FAM171A1: variants seen among roughly 807,000 people sequenced by gnomAD.
FAM171A1 encodes family with sequence similarity 171 member A1, also known as protein FAM171A1.
A neutral mutation model predicts 74.9 loss-of-function variants in FAM171A1; 23 were observed. That is an observed-to-expected ratio of 0.31 (90% CI 0.22 to 0.44). The LOEUF (loss-of-function observed/expected upper bound fraction) is 0.44. Ranked by LOEUF, FAM171A1 falls within the 20% of genes least tolerant of loss-of-function variation. FAM171A1 has a pLI of 1.00. For synonymous variants in FAM171A1, 527 were observed against 505.7 expected (o/e 1.04, Z -0.57); for missense variants, 1,162 against 1,159.2 (o/e 1.00, Z -0.03).
intron 1 of FAM171A1, among the ~76,000 whole-genome samples, chr10:15,330,562 C>T (rs551531118): frequency 1.3e-5 from 2 of 152,114 alleles, no homozygotes; most frequent in African/African-American, 4.8e-5. Flanking sequence ...TGTTGTGCAA[C>T]CAATTGAAAG....
intron 1 of FAM171A1, among the ~76,000 whole-genome samples, chr10:15,290,728 G>A (rs923861344): frequency 2.6e-5 from 4 of 152,152 alleles, no homozygotes; most frequent in Non-Finnish European, 5.9e-5. Flanking sequence ...TTGAGGAGGT[G>A]TCATTTTAGC....
chr10:15,299,844 G>T (rs1197019310), intron 1 of FAM171A1, among the ~76,000 whole-genome samples: 1 of 152,046 alleles, frequency 6.6e-6, no homozygotes, highest in African/African-American at 2.4e-5. Context: ...CGGGCGTGGT[G>T]GTGGGTGCCT....
chr10:15,284,151 C>T (rs766565015), intron 1 of FAM171A1, 46 bp from the exon 2 acceptor site: 6 of 1,554,110 alleles, frequency 3.9e-6, no homozygotes, highest in Non-Finnish European at 5.3e-6. Context: ...CAATGGGAAA[C>T]ATTCATAGCA....
intron 1 of FAM171A1, among the ~76,000 whole-genome samples, chr10:15,366,598 G>A (rs1475372840): frequency 3.9e-5 from 6 of 152,058 alleles, no homozygotes; most frequent in Non-Finnish European, 8.8e-5. Flanking sequence ...AGCATTACTG[G>A]TATGTATAAT....
At chr10:15,300,015 G>A (rs1210062030) in intron 1 of FAM171A1, among the ~76,000 whole-genome samples, 1 of 151,980 alleles carries the variant, frequency 6.6e-6, no homozygotes, top group Admixed American at 6.6e-5. Flanking sequence ...AGCTGAAGGG[G>A]CTTGCTGGAA....
chr10:15,309,663 A>C (rs1835337067), intron 1 of FAM171A1, among the ~76,000 whole-genome samples: 2 of 152,274 alleles, frequency 1.3e-5, no homozygotes, highest in South Asian at 4.1e-4. Context: ...ACTCAATAGC[A>C]TGTGAACTTG....
At chr10:15,329,993 T>G (rs932639251) in intron 1 of FAM171A1, among the ~76,000 whole-genome samples, 3 of 152,226 alleles carry the variant, frequency 2.0e-5, no homozygotes, top group African/African-American at 7.2e-5. Context: ...CTTTCTTGCA[T>G]AGTATGGCAC....
At chr10:15,285,826 A>G (rs528643381) in intron 1 of FAM171A1, among the ~76,000 whole-genome samples, 5 of 152,290 alleles carry the variant, frequency 3.3e-5, no homozygotes, top group South Asian at 2.1e-4. Flanking sequence ...GTGACCATCA[A>G]TGAGCCGGCT....
chr10:15,300,414 C>G (rs1378280658), intron 1 of FAM171A1, among the ~76,000 whole-genome samples: 2 of 152,206 alleles, frequency 1.3e-5, no homozygotes, highest in African/African-American at 4.8e-5. Flanking sequence ...AATATGGATA[C>G]CAACTTCTTG....
At chr10:15,235,099 C>T (rs1052809651) in intron 5 of FAM171A1, among the ~76,000 whole-genome samples, 2 of 152,072 alleles carry the variant, frequency 1.3e-5, no homozygotes, top group Admixed American at 1.3e-4. Context: ...TACCTGAGGA[C>T]AGGAGTTTGA....
chr10:15,243,917 A>AT (rs1834396476), intron 5 of FAM171A1, among the ~76,000 whole-genome samples: 1 of 152,030 alleles, frequency 6.6e-6, no homozygotes, highest in South Asian at 2.1e-4. Context: ...CACCCGGCTA[A>AT]TTTTTTGTAT....
chr10:15,226,788 C>T (rs938240202), intron 5 of FAM171A1, among the ~76,000 whole-genome samples: 1 of 152,054 alleles, frequency 6.6e-6, no homozygotes, highest in Non-Finnish European at 1.5e-5. Flanking sequence ...AATACTCCCC[C>T]CTACCCTCAT....
intron 1 of FAM171A1, among the ~76,000 whole-genome samples, chr10:15,367,562 G>A (rs1224631427): frequency 6.6e-6 from 1 of 152,184 alleles, no homozygotes; most frequent in African/African-American, 2.4e-5. Context: ...GTCACCGTAA[G>A]TTAGGCTTGT....
At chr10:15,251,872 A>C (rs1383817419) in intron 4 of FAM171A1, among the ~76,000 whole-genome samples, 4 of 152,176 alleles carry the variant, frequency 2.6e-5, no homozygotes, top group Admixed American at 2.0e-4. Context: ...CACAAAGACA[A>C]GCAGGTGTCA....
At chr10:15,346,143 T>C (rs757101384) in intron 1 of FAM171A1, among the ~76,000 whole-genome samples, 10 of 152,176 alleles carry the variant, frequency 6.6e-5, no homozygotes, top group Non-Finnish European at 1.3e-4. Flanking sequence ...TCTTGTCACC[T>C]AGGCTGGAAT....
rs142106539 is a variant in FAM171A1, at chr10:15,369,611, A to C, written c.97+1345T>G. On this transcript the variant is annotated intron_variant, in intron 1 of 7. Coordinates refer to ENST00000378116, the MANE Select transcript of FAM171A1 (RefSeq NM_001010924.2). ...CATTTAAGATATACCAGGAAATGAT[A>C]CTGCAAGTGCCAGAATATGAAAACC... Among the ~76,000 whole-genome samples the C allele has an allele frequency of 2.4e-4, 37 of 152,374 alleles. 1 individual carries two copies. In the East Asian group the frequency reaches 7.1e-3, roughly 29 times the overall value.
chr10:15,229,759 TCAC>T (rs1484380627), intron 5 of FAM171A1, among the ~76,000 whole-genome samples: 1 of 54,538 alleles, frequency 1.8e-5, no homozygotes, highest in African/African-American at 6.3e-5. Flanking sequence ...ATCATCACCA[TCAC>T]CACCATCACC....
At chr10:15,238,741 C>T (rs1184111007) in intron 5 of FAM171A1, among the ~76,000 whole-genome samples, 1 of 152,186 alleles carries the variant, frequency 6.6e-6, no homozygotes, top group Non-Finnish European at 1.5e-5. Flanking sequence ...ACGAATGCAT[C>T]GTACGTGGTA....
At chr10:15,223,291 C>T (rs1834062884) in intron 5 of FAM171A1, among the ~76,000 whole-genome samples, 1 of 152,252 alleles carries the variant, frequency 6.6e-6, no homozygotes, top group Non-Finnish European at 1.5e-5. Context: ...GGCACCCGTT[C>T]AGCTCATGAC....
Sources: gnomAD v4.1 joint callset for allele counts (sites outside exome capture counted in the v4.1 genomes callset) on GRCh38, gnomAD v4.1.1 for gene constraint, MANE v1.5 for transcripts, NCBI Gene and HGNC (gene_info 2026-07-23, HGNC 2026-07-21) for gene names.